The following PAX5 variants were observed in gnomAD, a reference collection of about 807,000 sequenced individuals.
The protein encoded by PAX5 is paired box protein Pax-5.
A neutral mutation model predicts 43.7 loss-of-function variants in PAX5; 9 were observed. The observed-to-expected ratio is 0.21, with a 90% CI of 0.12 to 0.36. The LOEUF (loss-of-function observed/expected upper bound fraction) is 0.36. PAX5 is among the 10% of genes least tolerant of loss of function. PAX5 has a pLI of 1.00. For missense variants in PAX5, 383 were observed against 532.7 expected, an observed-to-expected ratio of 0.72 and a Z score of 2.77; for synonymous variants, 228 against 214.3, an observed-to-expected ratio of 1.06 and a Z score of -0.56.
intron 6 of PAX5, among the ~76,000 whole-genome samples, chr9:36,965,652 G>A (rs1834361180): frequency 6.6e-6 from 1 of 152,200 alleles, no homozygotes; most frequent in Non-Finnish European, 1.5e-5. Flanking sequence ...GCATTTAGAG[G>A]AAACTCAGCG....
At chr9:37,030,588 G>A (rs149389282) in intron 1 of PAX5, among the ~76,000 whole-genome samples, 22 of 152,336 alleles carry the variant, frequency 1.4e-4, no homozygotes, top group Non-Finnish European at 2.6e-4. Flanking sequence ...GCTAGGCGCT[G>A]GGGGCAGGAG....
intron 7 of PAX5, among the ~76,000 whole-genome samples, chr9:36,913,981 C>A (rs1467766767): frequency 6.6e-6 from 1 of 152,200 alleles, no homozygotes; most frequent in East Asian, 1.9e-4. Flanking sequence ...CCCCCCACCC[C>A]CCAACAGCTC....
At chr9:36,847,922 C>T (rs1257006624) in intron 8 of PAX5, among the ~76,000 whole-genome samples, 1 of 152,140 alleles carries the variant, frequency 6.6e-6, no homozygotes, top group Non-Finnish European at 1.5e-5. Context: ...TATAGGGGAT[C>T]CCAAAGAGTA....
In PAX5 at chr9:36,981,196, C is replaced by A. The variant is rs78190217; in HGVS notation, c.605-14472G>T. On this transcript the variant is annotated intron_variant, in intron 5 of 9. Coordinates refer to ENST00000358127, the MANE Select transcript of PAX5 (RefSeq NM_016734.3). ...CCAAAAACAGCAAAGCCCCCCCCCC[C>A]TCAGCCCTGCTTCATTCCCTGTCTC... Among the ~76,000 whole-genome samples the A allele has an allele frequency of 1.3e-4, 16 of 119,022 alleles. 1 individual carries two copies. The highest frequency in any genetic ancestry group is 4.5e-3 in the Middle Eastern group (1 of 222). 78.1% of individuals were successfully genotyped at this position (119,022 alleles called of 152,430 possible).
At chr9:36,866,656 T>C (rs1251104359) in intron 8 of PAX5, among the ~76,000 whole-genome samples, 1 of 152,114 alleles carries the variant, frequency 6.6e-6, no homozygotes, top group Non-Finnish European at 1.5e-5. Flanking sequence ...GCTTCTTTTT[T>C]ATTGCTTCGG....
intron 1 of PAX5, among the ~76,000 whole-genome samples, chr9:37,029,244 C>T (rs1279176238): frequency 1.3e-5 from 2 of 152,182 alleles, no homozygotes; most frequent in East Asian, 1.9e-4. Context: ...GCCTCGGTTT[C>T]CCTTCCTCTG....
chr9:36,874,334 G>A (rs977218007), intron 8 of PAX5, among the ~76,000 whole-genome samples: 1 of 152,138 alleles, frequency 6.6e-6, no homozygotes, highest in African/African-American at 2.4e-5. Context: ...CATGCTCCTG[G>A]GGTTCATGCA....
chr9:36,915,898 C>A (rs1159400478), intron 7 of PAX5, among the ~76,000 whole-genome samples: 2 of 151,758 alleles, frequency 1.3e-5, no homozygotes, highest in Admixed American at 6.6e-5. Flanking sequence ...ATAGGGAGAC[C>A]CTGTCTCTAC....
rs964351689 is a variant in PAX5 at position 37,028,206 on chromosome 9, A to C, written c.46+5780T>G. On this transcript the variant is annotated intron_variant, in intron 1 of 9. Coordinates refer to ENST00000358127, the MANE Select transcript of PAX5 (RefSeq NM_016734.3). ...CTCGTGATGGGATCGGATTGTGTGC[A>C]TCGGAGTGTGTGCATATCTGCCAGT... Among the ~76,000 whole-genome samples the C allele has an allele frequency of 2.6e-5, 4 of 152,364 alleles. No individual in the cohort carries two copies. In the South Asian group the frequency reaches 8.3e-4, roughly 32 times the overall value.
In PAX5 at chr9:36,991,987, CCA is replaced by C. The variant is rs1476695471; in HGVS notation, c.604+10659_604+10660del. Among the ~76,000 whole-genome samples, 11 of 152,294 alleles carry C rather than the reference CCA, an allele frequency of 7.2e-5. No individual in the cohort carries two copies. In the South Asian group the frequency reaches 2.1e-3, roughly 29 times the overall value. ...AAGACATTCTCTTGTTCTCCCTCTC[CCA>C]CAGTTTATTCTAACACAGGGATAAA... is the stretch of plus-strand genomic sequence containing the variant. On this transcript the variant is annotated intron_variant, in intron 5 of 9. Coordinates refer to ENST00000358127, the MANE Select transcript of PAX5 (RefSeq NM_016734.3).
At chr9:36,885,758 A>T (rs1826853646) in intron 7 of PAX5, among the ~76,000 whole-genome samples, 1 of 152,228 alleles carries the variant, frequency 6.6e-6, no homozygotes, top group African/African-American at 2.4e-5. Context: ...CGCATGGCAC[A>T]GTGTGGAAGG....
rs1220623836 is a variant in PAX5 at position 37,034,250 on chromosome 9, G to C, written c.-219C>G. Reference sequence around the variant, plus strand: ...TGGAAAAAAAGCGTCCGAAGGCACCGTGAAATGATTAAGGAACTAAAGAGC... The same window carrying C: ...TGGAAAAAAAGCGTCCGAAGGCACCCTGAAATGATTAAGGAACTAAAGAGC... On this transcript the variant is annotated 5_prime_UTR_variant, in exon 1 of 10. Transcript: ENST00000358127. The C allele has an allele frequency of 1.8e-6, 1 of 552,760 alleles. No individual in the cohort carries two copies. Among genetic ancestry groups the C allele is most frequent in the Admixed American group, 3.1e-5 (1 of 31,898 alleles). 34.2% of individuals were successfully genotyped at this position (552,760 alleles called of 1,614,324 possible). A position where few individuals can be genotyped will look rare whatever the true frequency, so the allele number is the denominator to read the frequency against.
chr9:36,863,731 A>G (rs977491523), intron 8 of PAX5, among the ~76,000 whole-genome samples: 2 of 152,192 alleles, frequency 1.3e-5, no homozygotes, highest in African/African-American at 4.8e-5. Context: ...AAATGGGATA[A>G]CATCAACAGC....
chr9:36,852,920 C>T lies in PAX5; in HGVS notation c.1013-5991G>A, dbSNP rs1473773703. ...GATCCCACCATCCCAAGGAACACCT[C>T]GTTGAGCTGGGCCAGCAGAGGAAAG... On this transcript the variant is annotated intron_variant, in intron 8 of 9. Coordinates refer to ENST00000358127, the MANE Select transcript of PAX5 (RefSeq NM_016734.3). Among the ~76,000 whole-genome samples, 3 of 152,206 alleles carry T rather than the reference C, an allele frequency of 2.0e-5. No homozygotes were observed. In the East Asian group the frequency reaches 5.8e-4, roughly 29 times the overall value.
intron 1 of PAX5, among the ~76,000 whole-genome samples, chr9:37,029,777 G>C (rs1840790125): frequency 6.6e-6 from 1 of 152,156 alleles, no homozygotes; most frequent in South Asian, 2.1e-4. Flanking sequence ...ACAAACCCAG[G>C]TTCTCTAGAT....
At chr9:37,033,233 G>A (rs189734144) in intron 1 of PAX5, among the ~76,000 whole-genome samples, 2 of 152,164 alleles carry the variant, frequency 1.3e-5, no homozygotes, top group Admixed American at 1.3e-4. Flanking sequence ...TTCATTCCTG[G>A]TCCTATCTCC....
chr9:36,972,108 G>A (rs1259986189), intron 5 of PAX5, among the ~76,000 whole-genome samples: 3 of 152,202 alleles, frequency 2.0e-5, no homozygotes, highest in Non-Finnish European at 4.4e-5. Context: ...CATGGCTTTT[G>A]GGATGTAACC....
At chr9:36,843,213 C>T (rs1336619488) in intron 9 of PAX5, among the ~76,000 whole-genome samples, 4 of 152,074 alleles carry the variant, frequency 2.6e-5, no homozygotes, top group African/African-American at 7.2e-5. Flanking sequence ...AAGGGACCTC[C>T]GGACAGGTTT....
chr9:36,918,526 G>A (rs1013528304), intron 7 of PAX5, among the ~76,000 whole-genome samples: 2 of 152,114 alleles, frequency 1.3e-5, no homozygotes, highest in Non-Finnish European at 2.9e-5. Flanking sequence ...AGCCAGGCAT[G>A]GTGGTGCACG....
Sources: gnomAD v4.1 joint callset for allele counts (sites outside exome capture counted in the v4.1 genomes callset) on GRCh38, gnomAD v4.1.1 for gene constraint, MANE v1.5 for transcripts, NCBI Gene and HGNC (gene_info 2026-07-23, HGNC 2026-07-21) for gene names.